The following RAPGEF5 variants were observed in gnomAD, a reference collection of about 807,000 sequenced individuals.
The protein encoded by RAPGEF5 is M-Ras-regulated GEF.
In RAPGEF5, 65 loss-of-function variants were observed where a neutral mutation model predicts 125.2. That is an observed-to-expected ratio of 0.52 (90% CI 0.43 to 0.64). The LOEUF (loss-of-function observed/expected upper bound fraction) is 0.64. Ranked by LOEUF, RAPGEF5 falls within the 30% of genes least tolerant of loss-of-function variation. RAPGEF5 has a pLI of 0.00. For missense variants in RAPGEF5, 958 were observed against 1,048.1 expected, an observed-to-expected ratio of 0.91 and a Z score of 1.19; for synonymous variants, 391 against 385.9, an observed-to-expected ratio of 1.01 and a Z score of -0.16.
At chr7:22,140,876 G>A (rs949816045) in intron 20 of RAPGEF5, among the ~76,000 whole-genome samples, 2 of 152,124 alleles carry the variant, frequency 1.3e-5, no homozygotes, top group Admixed American at 6.5e-5. Context: ...TATCTGGAGA[G>A]CATTAGAAAA....
Position 22,154,446 on chromosome 7 carries a change from A to G in RAPGEF5, c.1786+9T>C. ...AAAGATTAATATTCAAGGGTAGAAAACAACTTACCCCCAGAGAATGTGATG... is the reference window on the plus strand; with the variant it reads ...AAAGATTAATATTCAAGGGTAGAAAGCAACTTACCCCCAGAGAATGTGATG... On this transcript the variant is annotated intron_variant, in intron 17 of 25. Transcript: ENST00000665637. 1.9e-6 allele frequency: 3 copies of G among 1,613,046 alleles called. No individual in the cohort carries two copies. Among genetic ancestry groups the G allele is most frequent in the Non-Finnish European group, 2.5e-6 (3 of 1,179,534 alleles).
chr7:22,129,683 G>C (rs931163809), intron 24 of RAPGEF5, among the ~76,000 whole-genome samples: 3 of 151,846 alleles, frequency 2.0e-5, no homozygotes, highest in Non-Finnish European at 2.9e-5. Context: ...TAAAATAACT[G>C]AGCTCTGATT....
At chr7:22,293,375 A>G (rs879617080) in intron 5 of RAPGEF5, among the ~76,000 whole-genome samples, 2 of 152,100 alleles carry the variant, frequency 1.3e-5, no homozygotes, top group East Asian at 3.9e-4. Context: ...TGTTCACCCT[A>G]GAGCCATCCC....
At chr7:22,215,261 A>G (rs1395595035) in intron 9 of RAPGEF5, among the ~76,000 whole-genome samples, 1 of 152,066 alleles carries the variant, frequency 6.6e-6, no homozygotes, top group East Asian at 1.9e-4. Context: ...AAAACATCTA[A>G]TATTTTGGTA....
At chr7:22,257,775 T>C (rs1333262759) in intron 7 of RAPGEF5, among the ~76,000 whole-genome samples, 1 of 152,212 alleles carries the variant, frequency 6.6e-6, no homozygotes, top group East Asian at 1.9e-4. Flanking sequence ...GTATTGTAGT[T>C]CAGGGTGGGG....
At chr7:22,124,268 CA>C (rs1393453099) in intron 25 of RAPGEF5, among the ~76,000 whole-genome samples, 3 of 152,114 alleles carry the variant, frequency 2.0e-5, no homozygotes, top group Non-Finnish European at 4.4e-5. Flanking sequence ...ACTTGGGAAG[CA>C]AAGGAGGATA....
At chr7:22,167,438 G>A (rs1214691318) in intron 11 of RAPGEF5, among the ~76,000 whole-genome samples, 1 of 152,040 alleles carries the variant, frequency 6.6e-6, no homozygotes. Flanking sequence ...ATATTTGTGG[G>A]TAAAGATGAT....
chr7:22,174,939 G>A (rs1784459399), intron 11 of RAPGEF5, among the ~76,000 whole-genome samples: 1 of 152,142 alleles, frequency 6.6e-6, no homozygotes, highest in African/African-American at 2.4e-5. Flanking sequence ...TATGATTGTG[G>A]GAGCCAGTAC....
At chr7:22,294,001 C>T (rs984632319) in intron 5 of RAPGEF5, among the ~76,000 whole-genome samples, 3 of 152,094 alleles carry the variant, frequency 2.0e-5, no homozygotes, top group Admixed American at 6.6e-5. Flanking sequence ...CCAGGAAAGA[C>T]AAAGTTCTCA....
chr7:22,260,014 G>A (rs1782110469), intron 7 of RAPGEF5, among the ~76,000 whole-genome samples: 1 of 152,150 alleles, frequency 6.6e-6, no homozygotes, highest in South Asian at 2.1e-4. Flanking sequence ...AAATCGGAAG[G>A]CAGAGGTTGC....
intron 1 of RAPGEF5, among the ~76,000 whole-genome samples, chr7:22,354,197 A>G (rs1784380446): frequency 6.6e-6 from 1 of 152,240 alleles, no homozygotes; most frequent in African/African-American, 2.4e-5. Context: ...GTGGGAGCCC[A>G]GGGCAGCATG....
intron 9 of RAPGEF5, among the ~76,000 whole-genome samples, chr7:22,213,396 A>G (rs1050043354): frequency 5.3e-5 from 8 of 152,218 alleles, no homozygotes; most frequent in African/African-American, 1.9e-4. Context: ...TGTTTGCCAG[A>G]TTTTACTTCC....
chr7:22,215,818 A>C (rs1785623925), intron 9 of RAPGEF5, among the ~76,000 whole-genome samples: 1 of 152,170 alleles, frequency 6.6e-6, no homozygotes, highest in Non-Finnish European at 1.5e-5. Context: ...CTGGAAAGAA[A>C]AGTTTGTGTA....
intron 1 of RAPGEF5, chr7:22,356,083 G>A (rs995148827): frequency 2.0e-6 from 2 of 985,282 alleles, no homozygotes; most frequent in African/African-American, 3.5e-5. Context: ...GATCCCAGGA[G>A]ACAATCAGCA....
chr7:22,299,250 A>G (rs965923778), intron 5 of RAPGEF5, among the ~76,000 whole-genome samples: 1 of 152,116 alleles, frequency 6.6e-6, no homozygotes, highest in Non-Finnish European at 1.5e-5. Context: ...GCTGCATCCC[A>G]TAATTTTGAG....
chr7:22,313,828 A>C (rs1283475203), intron 3 of RAPGEF5, among the ~76,000 whole-genome samples: 1 of 152,208 alleles, frequency 6.6e-6, no homozygotes, highest in Non-Finnish European at 1.5e-5. Context: ...TGATGCCATC[A>C]TTTATTTTTT....
At chr7:22,282,615 C>T (rs1193307038) in intron 6 of RAPGEF5, among the ~76,000 whole-genome samples, 1 of 152,186 alleles carries the variant, frequency 6.6e-6, no homozygotes, top group Non-Finnish European at 1.5e-5. Flanking sequence ...CTTCATCTCT[C>T]CAATGCAATG....
intron 5 of RAPGEF5, among the ~76,000 whole-genome samples, chr7:22,307,265 A>G (rs1297129905): frequency 2.0e-5 from 3 of 151,996 alleles, no homozygotes; most frequent in Non-Finnish European, 4.4e-5. Flanking sequence ...GAGATCTTTC[A>G]CTTCTCTGGT....
intron 1 of RAPGEF5, among the ~76,000 whole-genome samples, chr7:22,324,222 TATA>T (rs1231847134): frequency 1.3e-5 from 2 of 152,196 alleles, no homozygotes; most frequent in Non-Finnish European, 2.9e-5. Context: ...CATACCTGAA[TATA>T]ATGACAAAAT....
Sources: allele counts gnomAD v4.1 joint callset (sites outside exome capture counted in the v4.1 genomes callset), GRCh38; gene constraint gnomAD v4.1.1; transcripts MANE v1.5; gene names NCBI Gene and HGNC (gene_info 2026-07-23, HGNC 2026-07-21).